The following RBFOX1 variants were observed in gnomAD, a reference collection of about 807,000 sequenced individuals.
RBFOX1 encodes the protein RNA binding protein fox-1 homolog 1.
RBFOX1 carries 8 observed loss-of-function variants against 57.7 expected under a neutral mutation model. The observed-to-expected ratio is 0.14, with a 90% CI of 0.08 to 0.25. The LOEUF (loss-of-function observed/expected upper bound fraction) is 0.25, where lower values mean the gene tolerates loss of function less well. Among genes scored for constraint, RBFOX1 ranks in the 10% least tolerant of loss-of-function variants. The pLI, the probability that RBFOX1 is intolerant of heterozygous loss-of-function variation, is 1.00. For missense variants in RBFOX1, 611 were observed against 548.5 expected, an observed-to-expected ratio of 1.11 and a Z score of -1.14; for synonymous variants, 326 against 222.4, an observed-to-expected ratio of 1.47 and a Z score of -4.15.
At chr16:7,492,042 T>A (rs2067130402) in intron 4 of RBFOX1, among the ~76,000 whole-genome samples, 1 of 152,216 alleles carries the variant, frequency 6.6e-6, no homozygotes. Context: ...CAGAATCCTG[T>A]GTTCCATGCT....
intron 3 of RBFOX1, among the ~76,000 whole-genome samples, chr16:6,949,672 C>A (rs1352982765): frequency 6.6e-6 from 1 of 152,128 alleles, no homozygotes; most frequent in East Asian, 1.9e-4. Context: ...CTTATGACCT[C>A]CTTTGACCTT....
At chr16:7,380,468 A>G (rs1157344009) in intron 4 of RBFOX1, among the ~76,000 whole-genome samples, 1 of 152,228 alleles carries the variant, frequency 6.6e-6, no homozygotes, top group African/African-American at 2.4e-5. Flanking sequence ...ATGTTGGCAC[A>G]TATAAATTAT....
intron 3 of RBFOX1, among the ~76,000 whole-genome samples, chr16:6,708,444 G>C (rs1294614597): frequency 6.6e-5 from 10 of 152,106 alleles, no homozygotes; most frequent in Non-Finnish European, 1.5e-5. Context: ...TCATTTTTGT[G>C]AAAAGTGTTC....
In RBFOX1 at chr16:5,548,172, A is replaced by ATATATAT. The variant is rs1442260697; in HGVS notation, c.259-50730_259-50729insTATATAT. Among the ~76,000 whole-genome samples, 47 of 28,240 alleles carry ATATATAT rather than the reference A, an allele frequency of 1.7e-3. 1 individual carries two copies. Among genetic ancestry groups the ATATATAT allele is most frequent in the Non-Finnish European group, 2.5e-3 (30 of 12,056 alleles). The allele number at this position is 28,240 out of a possible 152,430, so 18.5% of individuals were successfully genotyped here. A position where few individuals can be genotyped will look rare whatever the true frequency, so the allele number is the denominator to read the frequency against. On this transcript the variant is annotated intron_variant, in intron 2 of 2. Coordinates refer to the RBFOX1 transcript ENST00000585867. ...CAAGACTCTGTTAAAAAAAAAAAAA[A>ATATATAT]AAATATATATATATATATATATATA...
chr16:6,975,972 C>T (rs1346337679), intron 3 of RBFOX1, among the ~76,000 whole-genome samples: 1 of 151,890 alleles, frequency 6.6e-6, no homozygotes, highest in African/African-American at 2.4e-5. Context: ...CTAAAAAATA[C>T]AAAAATTAGC....
intron 11 of RBFOX1, among the ~76,000 whole-genome samples, chr16:7,644,003 G>T (rs1481455544): frequency 6.6e-6 from 1 of 152,112 alleles, no homozygotes; most frequent in Non-Finnish European, 1.5e-5. Context: ...GATGTGGTAT[G>T]GATATAGGGA....
downstream of RBFOX1, among the ~76,000 whole-genome samples, chr16:5,602,777 G>T (rs1326471172): frequency 1.3e-5 from 2 of 152,020 alleles, no homozygotes; most frequent in Non-Finnish European, 2.9e-5. Flanking sequence ...ATGTAATATA[G>T]TAAGAAGCAG....
At chr16:7,005,232 G>T (rs568477970) in intron 3 of RBFOX1, among the ~76,000 whole-genome samples, 3 of 152,252 alleles carry the variant, frequency 2.0e-5, no homozygotes, top group Admixed American at 6.5e-5. Context: ...AGTATGAAAA[G>T]ATGAGTGCTA....
chr16:7,570,971 C>G (rs907898169), intron 5 of RBFOX1, among the ~76,000 whole-genome samples: 1 of 152,156 alleles, frequency 6.6e-6, no homozygotes, highest in African/African-American at 2.4e-5. Flanking sequence ...ACTCAGCAAA[C>G]TGATGCAGGA....
At chr16:6,328,806 A>G (rs1341778924) in intron 2 of RBFOX1, among the ~76,000 whole-genome samples, 1 of 152,168 alleles carries the variant, frequency 6.6e-6, no homozygotes, top group East Asian at 1.9e-4. Flanking sequence ...CCCAAGGAGT[A>G]TAGCTTGGGC....
chr16:6,790,642 G>A (rs957471563), intron 3 of RBFOX1, among the ~76,000 whole-genome samples: 2 of 152,090 alleles, frequency 1.3e-5, no homozygotes, highest in African/African-American at 4.8e-5. Flanking sequence ...TTAGGACTCT[G>A]AGCTTCCTGT....
chr16:6,711,766 C>T (rs548548165), intron 3 of RBFOX1, among the ~76,000 whole-genome samples: 4 of 152,212 alleles, frequency 2.6e-5, no homozygotes, highest in Non-Finnish European at 4.4e-5. Context: ...TCTCACCACT[C>T]TCATTCTAGA....
chr16:5,832,727 C>T lies in RBFOX1; in HGVS notation c.319-34576C>T, dbSNP rs117593397. Among the ~76,000 whole-genome samples the T allele has an allele frequency of 5.4e-3, 816 of 152,214 alleles. 4 individuals are homozygous for T. Among genetic ancestry groups the T allele is most frequent in the Non-Finnish European group, 8.2e-3 (560 of 68,018 alleles). On this transcript the variant is annotated intron_variant, in intron 3 of 19. Coordinates refer to the RBFOX1 transcript ENST00000641259. The stretch of plus-strand genomic sequence containing the variant: ...TTCATTGGGGGCATCATGGAATTAA[C>T]AGAAATTTAAAAAGCTGAGTCTGAG...
intron 1 of RBFOX1, among the ~76,000 whole-genome samples, chr16:6,282,391 G>A (rs80194471): frequency 0.028 from 3,595 of 127,012 alleles, 52 homozygotes; most frequent in Non-Finnish European, 0.038. Context: ...TTTACTTTAA[G>A]TTCTGGGATA....
intron 2 of RBFOX1, among the ~76,000 whole-genome samples, chr16:6,644,117 C>G (rs1434805735): frequency 3.9e-5 from 6 of 152,180 alleles, no homozygotes; most frequent in African/African-American, 1.2e-4. Flanking sequence ...CAGAGCGAGA[C>G]TCCATCTCAA....
In RBFOX1 at chr16:6,779,971, A is replaced by T. The variant is rs866859629; in HGVS notation, c.-16+125321A>T. 4.2e-4 allele frequency among the ~76,000 whole-genome samples: 14 copies of T among 33,266 alleles called. 1 individual carries two copies. Among genetic ancestry groups the T allele is most frequent in the African/African-American group, 1.8e-3 (12 of 6,530 alleles). 21.8% of individuals were successfully genotyped at this position (33,266 alleles called of 152,430 possible). ...TTTATATATTTATATATTTATATATATTTATATATTTATATATTTATATAT... is the reference window on the plus strand; with the variant it reads ...TTTATATATTTATATATTTATATATTTTTATATATTTATATATTTATATAT... On this transcript the variant is annotated intron_variant, in intron 3 of 15. Transcript: ENST00000550418.
At chr16:5,437,819 G>A (rs993454948) in intron 1 of RBFOX1, among the ~76,000 whole-genome samples, 3 of 151,956 alleles carry the variant, frequency 2.0e-5, no homozygotes, top group Admixed American at 2.0e-4. Flanking sequence ...AATGAGCATG[G>A]TCTTCTTTCA....
intron 5 of RBFOX1, among the ~76,000 whole-genome samples, chr16:7,549,986 G>T (rs2085830804): frequency 6.6e-6 from 1 of 152,106 alleles, no homozygotes; most frequent in Non-Finnish European, 1.5e-5. Context: ...CAGGAGTGCA[G>T]TGGTGTGATC....
intron 3 of RBFOX1, among the ~76,000 whole-genome samples, chr16:5,668,911 T>C (rs2151411133): frequency 6.6e-6 from 1 of 152,266 alleles, no homozygotes; most frequent in South Asian, 2.1e-4. Context: ...GTTTTGGAGA[T>C]GGATACTCAG....
Sources: allele counts gnomAD v4.1 joint callset (sites outside exome capture counted in the v4.1 genomes callset), GRCh38; gene constraint gnomAD v4.1.1; transcripts MANE v1.5; gene names NCBI Gene and HGNC (gene_info 2026-07-23, HGNC 2026-07-21).